LRRC4C: variants seen among roughly 807,000 people sequenced by gnomAD.
LRRC4C encodes leucine-rich repeat-containing protein 4C.
In LRRC4C, 5 loss-of-function variants were observed where a neutral mutation model predicts 33.6. The ratio of observed to expected loss-of-function variants is 0.15; its 90% confidence interval spans 0.08 to 0.31. The LOEUF (loss-of-function observed/expected upper bound fraction) is 0.31, where lower values mean the gene tolerates loss of function less well. LRRC4C is among the 10% of genes least tolerant of loss of function. LRRC4C has a pLI of 1.00. For synonymous variants in LRRC4C, 329 were observed against 302.0 expected (o/e 1.09, Z -0.93); for missense variants, 560 against 796.7 (o/e 0.70, Z 3.58).
chr11:40,994,357 G>A (rs554265197), intron 1 of LRRC4C, among the ~76,000 whole-genome samples: 1 of 152,206 alleles, frequency 6.6e-6, no homozygotes, highest in Admixed American at 6.5e-5. Flanking sequence ...ACGGAGAGTT[G>A]GCAATACTCT....
At chr11:40,964,421 C>A (rs1043374354) in intron 1 of LRRC4C, among the ~76,000 whole-genome samples, 1 of 151,632 alleles carries the variant, frequency 6.6e-6, no homozygotes, top group Non-Finnish European at 1.5e-5. Flanking sequence ...GCACAACGTG[C>A]AGGTTTGTTA....
At chr11:40,932,898 A>G (rs1258012922) in intron 2 of LRRC4C, among the ~76,000 whole-genome samples, 1 of 152,206 alleles carries the variant, frequency 6.6e-6, no homozygotes, top group African/African-American at 2.4e-5. Flanking sequence ...TCCAAGAGGT[A>G]TGAGCAAACA....
At chr11:41,140,621 C>T (rs1943462783) in intron 1 of LRRC4C, among the ~76,000 whole-genome samples, 1 of 152,206 alleles carries the variant, frequency 6.6e-6, no homozygotes, top group Non-Finnish European at 1.5e-5. Context: ...GTCACCATCA[C>T]CTGTTCACCT....
intron 1 of LRRC4C, among the ~76,000 whole-genome samples, chr11:41,151,027 C>T (rs569340822): frequency 2.6e-5 from 4 of 151,902 alleles, no homozygotes; most frequent in Non-Finnish European, 4.4e-5. Context: ...CACACACACA[C>T]ACACAGACAC....
chr11:41,151,064 C>T (rs1343312061), intron 1 of LRRC4C, among the ~76,000 whole-genome samples: 1 of 151,822 alleles, frequency 6.6e-6, no homozygotes, highest in Non-Finnish European at 1.5e-5. Flanking sequence ...TACAACTTCG[C>T]AGTTTTTTTT....
At chr11:40,294,275 C>A (rs1321709058) in intron 4 of LRRC4C, among the ~76,000 whole-genome samples, 1 of 152,120 alleles carries the variant, frequency 6.6e-6, no homozygotes, top group African/African-American at 2.4e-5. Context: ...ACCTGGAGGG[C>A]AGAGCCAGAA....
At position 40,237,090 on chromosome 11, in the gene LRRC4C, C is replaced by T. The variant is rs528827431; in HGVS notation, c.-96+4429G>A. ...GACTATATATCAACCTACTAAATAG[C>T]TCAGGGTGTACTCATCACAAGTCCA... On this transcript the variant is annotated intron_variant, in intron 5 of 6. Transcript: ENST00000528697. Among the ~76,000 whole-genome samples the T allele has an allele frequency of 2.0e-5, 3 of 152,280 alleles. No homozygotes were observed. The East Asian group carries it at 5.8e-4, about 29-fold the overall frequency.
At chr11:40,795,810 TA>T (rs1208908141) in intron 2 of LRRC4C, among the ~76,000 whole-genome samples, 1 of 152,188 alleles carries the variant, frequency 6.6e-6, no homozygotes, top group Non-Finnish European at 1.5e-5. Flanking sequence ...CCAAGTTCTG[TA>T]ATGTGTAAAT....
chr11:40,774,371 G>A (rs960448682), intron 2 of LRRC4C, among the ~76,000 whole-genome samples: 4 of 152,068 alleles, frequency 2.6e-5, no homozygotes, highest in Non-Finnish European at 4.4e-5. Context: ...ATATAAATAA[G>A]TATTATTTGG....
chr11:40,411,584 T>C (rs1950157755), intron 3 of LRRC4C, among the ~76,000 whole-genome samples: 1 of 152,086 alleles, frequency 6.6e-6, no homozygotes, highest in Admixed American at 6.6e-5. Context: ...ATGGATAGTG[T>C]GGAGTATAAA....
At chr11:40,220,969 G>A (rs758070553) in intron 5 of LRRC4C, among the ~76,000 whole-genome samples, 57 of 151,196 alleles carry the variant, frequency 3.8e-4, no homozygotes, top group Non-Finnish European at 7.1e-4. Context: ...TCCACCTCCC[G>A]GCTTCAAGCG....
intron 2 of LRRC4C, among the ~76,000 whole-genome samples, chr11:40,813,003 G>T (rs1951557701): frequency 6.6e-6 from 1 of 152,142 alleles, no homozygotes; most frequent in Admixed American, 6.5e-5. Flanking sequence ...TGAAATACAT[G>T]ATTTGAATTT....
At chr11:40,713,078 G>A (rs1946546023) in intron 2 of LRRC4C, among the ~76,000 whole-genome samples, 1 of 147,520 alleles carries the variant, frequency 6.8e-6, no homozygotes. Flanking sequence ...TTTTTTAGTA[G>A]AGATTAGATT....
At chr11:40,175,430 T>C (rs1860396139) in intron 5 of LRRC4C, among the ~76,000 whole-genome samples, 1 of 152,206 alleles carries the variant, frequency 6.6e-6, no homozygotes. Flanking sequence ...TGAATTCTTC[T>C]ACTCAAACAA....
chr11:40,495,785 C>G (rs567007028), intron 3 of LRRC4C, among the ~76,000 whole-genome samples: 9 of 118,890 alleles, frequency 7.6e-5, no homozygotes, highest in African/African-American at 3.0e-4. Context: ...CTTGGGACAT[C>G]GATTTTATTG....
At chr11:40,539,617 A>T (rs1377222989) in intron 3 of LRRC4C, among the ~76,000 whole-genome samples, 1 of 152,162 alleles carries the variant, frequency 6.6e-6, no homozygotes, top group Non-Finnish European at 1.5e-5. Context: ...TCCAATAATT[A>T]AATATTTATT....
At chr11:41,018,637 A>G (rs1401630135) in intron 1 of LRRC4C, among the ~76,000 whole-genome samples, 2 of 152,102 alleles carry the variant, frequency 1.3e-5, no homozygotes, top group Non-Finnish European at 2.9e-5. Flanking sequence ...CTTAACCTCT[A>G]CAAAGGCACT....
intron 2 of LRRC4C, among the ~76,000 whole-genome samples, chr11:40,693,880 G>A (rs192994702): frequency 4.7e-4 from 71 of 152,224 alleles, no homozygotes; most frequent in African/African-American, 1.6e-3. Context: ...GCCAAAAGCC[G>A]CATTGTGTCC....
At chr11:40,660,716 G>T (rs978991269) in intron 2 of LRRC4C, among the ~76,000 whole-genome samples, 2 of 152,138 alleles carry the variant, frequency 1.3e-5, no homozygotes, top group African/African-American at 4.8e-5. Flanking sequence ...ATCAATAAAT[G>T]CAATCATCTC....
Sources: gnomAD v4.1 joint callset for allele counts (sites outside exome capture counted in the v4.1 genomes callset) on GRCh38, gnomAD v4.1.1 for gene constraint, MANE v1.5 for transcripts, NCBI Gene and HGNC (gene_info 2026-07-23, HGNC 2026-07-21) for gene names.